The following LRRIQ1 variants were observed in gnomAD, a reference collection of about 807,000 sequenced individuals.
LRRIQ1 encodes the protein leucine-rich repeat- and IQ domain-containing protein 1.
Under a neutral mutation model 211.9 loss-of-function variants are expected in LRRIQ1, and 210 were observed. The observed-to-expected ratio is 0.99, with a 90% CI of 0.89 to 1.11. The LOEUF (loss-of-function observed/expected upper bound fraction) is 1.11. LRRIQ1 is among the 50% of genes most tolerant of loss of function. The pLI, the probability that LRRIQ1 is intolerant of heterozygous loss-of-function variation, is 0.00. For synonymous variants in LRRIQ1, 699 were observed against 650.1 expected, an observed-to-expected ratio of 1.08 and a Z score of -1.14; for missense variants, 2,136 against 1,939.5, an observed-to-expected ratio of 1.10 and a Z score of -1.90.
rs546209142 is a variant in LRRIQ1 at position 85,092,090 on chromosome 12, C to A, written c.2888-6265C>A. ...AGGGATCTAGGTTGCACACTCCTTA[C>A]GATAATCTGGGGAGTAGCTGCAAAT... On this transcript the variant is annotated intron_variant, in intron 11 of 26. Transcript: ENST00000393217. Among the ~76,000 whole-genome samples the A allele has an allele frequency of 3.3e-5, 5 of 152,244 alleles. No homozygotes were observed. In the East Asian group the frequency reaches 7.7e-4, roughly 24 times the overall value.
chr12:85,161,891 T>G (rs1046884693), intron 24 of LRRIQ1, among the ~76,000 whole-genome samples: 4 of 151,908 alleles, frequency 2.6e-5, no homozygotes, highest in African/African-American at 7.3e-5. Context: ...ATACAAAAAA[T>G]TAGCCGGGCG....
Position 85,194,485 on chromosome 12 carries a change from A to C in LRRIQ1, c.4822+33771A>C, listed in dbSNP as rs202045813. Among the ~76,000 whole-genome samples the C allele has an allele frequency of 5.3e-3, 805 of 150,470 alleles. 31 individuals carry two copies. The East Asian group carries it at 0.11, about 20-fold the overall frequency. On this transcript the variant is annotated intron_variant, in intron 24 of 26. Coordinates refer to ENST00000393217, the MANE Select transcript of LRRIQ1 (RefSeq NM_001079910.2). ...TATAACAAACTATCTCTCAGACCAC[A>C]GTGCAATCAAACTAGAACTCAGGAT...
At chr12:85,262,776 C>G (rs1896334468) in intron 1 of LRRIQ1, 1 of 242,678 alleles carries the variant, frequency 4.1e-6, no homozygotes, top group East Asian at 1.8e-4. Context: ...AAAATAAGCT[C>G]AACAAAGATA....
At chr12:85,248,199 T>A (rs1895789586), downstream of LRRIQ1, among the ~76,000 whole-genome samples, 1 of 151,616 alleles carries the variant, frequency 6.6e-6, no homozygotes, top group African/African-American at 2.4e-5. Flanking sequence ...TATTTATCTT[T>A]TCTCATGTAT....
intron 11 of LRRIQ1, among the ~76,000 whole-genome samples, chr12:85,087,363 T>A (rs1321664482): frequency 6.6e-6 from 1 of 152,226 alleles, no homozygotes; most frequent in Admixed American, 6.5e-5. Flanking sequence ...TTTGGGTTGG[T>A]TCCAAGTCTT....
chr12:85,109,797 C>T (rs76840678), intron 15 of LRRIQ1, among the ~76,000 whole-genome samples: 3,135 of 152,208 alleles, frequency 0.021, 142 homozygotes, highest in East Asian at 0.2. Context: ...TATTCTACCC[C>T]TACCCCATAC....
downstream of LRRIQ1, chr12:85,264,567 T>C (rs192166283): frequency 6.6e-6 from 1 of 152,226 alleles, no homozygotes; most frequent in East Asian, 1.9e-4. Flanking sequence ...TTTGTAGCAC[T>C]ACTTAATTCA....
At chr12:85,260,448 TGAA>T (rs35507735) in intron 1 of LRRIQ1, among the ~76,000 whole-genome samples, 23,980 of 152,128 alleles carry the variant, frequency 0.16, 4,381 homozygotes, top group African/African-American at 0.45. Flanking sequence ...CTTATTACCT[TGAA>T]TAATGCTTGG....
downstream of LRRIQ1, among the ~76,000 whole-genome samples, chr12:85,267,100 C>T (rs1050426130): frequency 5.3e-5 from 8 of 151,948 alleles, no homozygotes; most frequent in African/African-American, 1.9e-4. Flanking sequence ...AAAATAAATA[C>T]GTCTGAAAAG....
At position 85,169,433 on chromosome 12, in the gene LRRIQ1, C is replaced by A. The variant is rs75566218; in HGVS notation, c.4822+8719C>A. On this transcript the variant is annotated intron_variant, in intron 24 of 26. Coordinates refer to ENST00000393217, the MANE Select transcript of LRRIQ1 (RefSeq NM_001079910.2). ...CTTGATATAATTAAGTATCTAAAAT[C>A]TTTTCATGGCCTCCTGTTGTCCTTT... Among the ~76,000 whole-genome samples, 4 of 152,150 alleles carry A rather than the reference C, an allele frequency of 2.6e-5. No individual in the cohort carries two copies. In the East Asian group the frequency reaches 7.7e-4, roughly 29 times the overall value.
chr12:85,160,897 A>G (rs1890831012), intron 24 of LRRIQ1, among the ~76,000 whole-genome samples, 183 bp downstream of exon 24: 2 of 152,192 alleles, frequency 1.3e-5, no homozygotes, highest in Admixed American at 6.5e-5. Flanking sequence ...GTGTGCTGAA[A>G]TATTGATATA....
Position 85,155,607 on chromosome 12 carries a change from G to A in LRRIQ1, c.4720+1513G>A, listed in dbSNP as rs1390523023. 2.0e-5 allele frequency among the ~76,000 whole-genome samples: 3 copies of A among 151,546 alleles called. No individual in the cohort carries two copies. The East Asian group carries it at 5.8e-4, about 29-fold the overall frequency. On this transcript the variant is annotated intron_variant, in intron 23 of 26. Transcript: ENST00000393217. ...CCTGGGGCAAGTTCAAATATCAGAG[G>A]TGGTTTAAGAACTGATTCAGCCAAT...
At chr12:85,196,288 G>A (rs1236167139) in intron 24 of LRRIQ1, among the ~76,000 whole-genome samples, 1 of 152,048 alleles carries the variant, frequency 6.6e-6, no homozygotes, top group African/African-American at 2.4e-5. Flanking sequence ...TCCCCATCAA[G>A]CTACCAATGA....
intron 10 of LRRIQ1, among the ~76,000 whole-genome samples, chr12:85,068,481 T>C (rs1257448366): frequency 1.3e-5 from 2 of 151,926 alleles, no homozygotes; most frequent in Admixed American, 1.3e-4. Context: ...ATTTGCTTCA[T>C]CTTTACTTTT....
intron 8 of LRRIQ1, among the ~76,000 whole-genome samples, chr12:85,064,843 A>G (rs937247866): frequency 4.6e-5 from 7 of 151,732 alleles, no homozygotes; most frequent in Admixed American, 3.3e-4. Context: ...CTGTAGATGT[A>G]TGAATTTGTT....
intron 15 of LRRIQ1, among the ~76,000 whole-genome samples, chr12:85,112,262 A>G (rs1887231323): frequency 6.6e-6 from 1 of 151,826 alleles, no homozygotes; most frequent in African/African-American, 2.4e-5. Flanking sequence ...ATTTTCTCTT[A>G]AAATGATTTT....
intron 24 of LRRIQ1, among the ~76,000 whole-genome samples, chr12:85,165,659 G>T (rs1891120822): frequency 6.6e-6 from 1 of 151,840 alleles, no homozygotes; most frequent in Admixed American, 6.6e-5. Flanking sequence ...TATTTTAGTA[G>T]AGACGGGGTT....
chr12:85,071,306 C>T (rs1883057327), intron 10 of LRRIQ1, among the ~76,000 whole-genome samples: 1 of 151,928 alleles, frequency 6.6e-6, no homozygotes, highest in African/African-American at 2.4e-5. Context: ...CAAAATGTAG[C>T]ATATTTTAAG....
intron 11 of LRRIQ1, among the ~76,000 whole-genome samples, chr12:85,095,926 T>C (rs1885837726): frequency 6.6e-6 from 1 of 152,130 alleles, no homozygotes; most frequent in Admixed American, 6.6e-5. Context: ...TATATTTTCT[T>C]GTTTGTGTGA....
Sources: gnomAD v4.1 joint callset for allele counts (sites outside exome capture counted in the v4.1 genomes callset) on GRCh38, gnomAD v4.1.1 for gene constraint, MANE v1.5 for transcripts, NCBI Gene and HGNC (gene_info 2026-07-23, HGNC 2026-07-21) for gene names.